MRPS31: variants seen among roughly 807,000 people sequenced by gnomAD.
MRPS31 encodes the protein small ribosomal subunit protein mS31.
A neutral mutation model predicts 43.1 loss-of-function variants in MRPS31; 32 were observed. That is an observed-to-expected ratio of 0.74 (90% CI 0.56 to 1.00). The LOEUF (loss-of-function observed/expected upper bound fraction) is 1.00, where lower values mean the gene tolerates loss of function less well. Among genes scored for constraint, MRPS31 ranks in the 50% least tolerant of loss-of-function variants. The pLI is 0.00. For synonymous variants in MRPS31, 165 were observed against 161.6 expected (o/e 1.02, Z -0.16); for missense variants, 437 against 466.7 (o/e 0.94, Z 0.59).
At chr13:40,765,430 T>G (rs972024421) in intron 2 of MRPS31, among the ~76,000 whole-genome samples, 4 of 152,232 alleles carry the variant, frequency 2.6e-5, no homozygotes, top group African/African-American at 9.7e-5. Context: ...AATCGTTAAT[T>G]CAATTATAAT....
chr13:40,770,465 CCTATTTG>C lies in MRPS31; in HGVS notation c.152+513_152+519del, dbSNP rs560256749. Among the ~76,000 whole-genome samples the C allele has an allele frequency of 5.6e-4, 86 of 152,238 alleles. No homozygotes were observed. The East Asian group carries it at 0.013, about 22-fold the overall frequency. ...GTCTCCCCTATAATGGTTAGGTGTC[CCTATTTG>C]CTATCCCAGCAAGTACTCATTCATG... On this transcript the variant is annotated intron_variant, in intron 1 of 6. Transcript: ENST00000323563.
chr13:40,733,008 T>C (rs1045964296), intron 6 of MRPS31, among the ~76,000 whole-genome samples: 15 of 144,950 alleles, frequency 1.0e-4, no homozygotes, highest in Admixed American at 2.7e-4. Flanking sequence ...TTTTTTTTTT[T>C]TTTTTTTTTT....
At chr13:40,738,511 T>C (rs1361515699) in intron 6 of MRPS31, among the ~76,000 whole-genome samples, 1 of 151,510 alleles carries the variant, frequency 6.6e-6, no homozygotes, top group Non-Finnish European at 1.5e-5. Context: ...ACCAATATCC[T>C]TGATGAACAT....
At chr13:40,736,524 C>G (rs1566104415) in intron 6 of MRPS31, among the ~76,000 whole-genome samples, 1 of 146,524 alleles carries the variant, frequency 6.8e-6, no homozygotes, top group Non-Finnish European at 1.5e-5. Flanking sequence ...TTAAGGGCAG[C>G]CAGAGAGAAA....
At chr13:40,761,436 C>T (rs1880692185) in intron 2 of MRPS31, among the ~76,000 whole-genome samples, 1 of 152,114 alleles carries the variant, frequency 6.6e-6, no homozygotes, top group Non-Finnish European at 1.5e-5. Flanking sequence ...AAAGTATACA[C>T]AGAACATAGA....
intron 2 of MRPS31, among the ~76,000 whole-genome samples, chr13:40,761,647 A>G (rs1250142690): frequency 1.3e-5 from 2 of 152,204 alleles, no homozygotes; most frequent in Non-Finnish European, 2.9e-5. Flanking sequence ...TCTTTTAACA[A>G]TCTATTCTAT....
chr13:40,729,347 G>A lies in MRPS31; in HGVS notation c.*25C>T, dbSNP rs538719816. On this transcript the variant is annotated 3_prime_UTR_variant, in exon 7 of 7. Transcript: ENST00000323563. Reference sequence around the variant, plus strand: ...TTAGTTGTAATATCCATCTCTAATTGTTTGAAATAAAAATTTCCATGGTCT... The same window carrying A: ...TTAGTTGTAATATCCATCTCTAATTATTTGAAATAAAAATTTCCATGGTCT... 8.5e-7 allele frequency: 1 copy of A among 1,181,342 alleles called. No homozygotes were observed. Among genetic ancestry groups the A allele is most frequent in the South Asian group, 1.4e-5 (1 of 69,384 alleles). 73.2% of individuals were successfully genotyped at this position (1,181,342 alleles called of 1,614,324 possible).
At chr13:40,757,184 CA>C (rs1480096772) in intron 3 of MRPS31, among the ~76,000 whole-genome samples, 171 bp from the exon 4 acceptor site, 3 of 152,130 alleles carry the variant, frequency 2.0e-5, no homozygotes, top group Non-Finnish European at 4.4e-5. Context: ...TCACATAACA[CA>C]GAACATTACA....
chr13:40,742,863 G>A (rs1880140144), intron 6 of MRPS31, among the ~76,000 whole-genome samples: 1 of 152,172 alleles, frequency 6.6e-6, no homozygotes, highest in African/African-American at 2.4e-5. Flanking sequence ...GCAGAAGACT[G>A]AAACTGGACC....
chr13:40,733,179 T>C (rs900069968), intron 6 of MRPS31, among the ~76,000 whole-genome samples: 14 of 151,904 alleles, frequency 9.2e-5, no homozygotes. Flanking sequence ...AATTTTTGTA[T>C]TTTCAGTAGA....
chr13:40,735,050 C>T (rs1283061120), intron 6 of MRPS31, among the ~76,000 whole-genome samples: 1 of 152,196 alleles, frequency 6.6e-6, no homozygotes, highest in African/African-American at 2.4e-5. Flanking sequence ...GAGTGCCAGA[C>T]AGTGGGCGCA....
intron 2 of MRPS31, among the ~76,000 whole-genome samples, chr13:40,760,865 T>C (rs2138014601): frequency 6.6e-6 from 1 of 152,230 alleles, no homozygotes; most frequent in East Asian, 1.9e-4. Context: ...TATGATACGT[T>C]ACCTAATACG....
At chr13:40,737,886 G>A (rs1220222538) in intron 6 of MRPS31, among the ~76,000 whole-genome samples, 2 of 151,760 alleles carry the variant, frequency 1.3e-5, no homozygotes, top group Admixed American at 6.6e-5. Context: ...AACTAGAAAA[G>A]CAAGAGCAAA....
intron 2 of MRPS31, among the ~76,000 whole-genome samples, chr13:40,765,640 A>T (rs1300340647): frequency 6.6e-6 from 1 of 152,204 alleles, no homozygotes; most frequent in Non-Finnish European, 1.5e-5. Flanking sequence ...CTACCCAATC[A>T]TACTTTCTAG....
chr13:40,769,117 C>T (rs911119528), intron 1 of MRPS31, among the ~76,000 whole-genome samples: 1 of 151,854 alleles, frequency 6.6e-6, no homozygotes, highest in African/African-American at 2.4e-5. Context: ...GTGGTGCACG[C>T]CTGTAATTCC....
chr13:40,756,774 C>G, intron 4 of MRPS31, 99 bp downstream of exon 4: 1 of 1,301,978 alleles, frequency 7.7e-7, no homozygotes. Context: ...GTTCAGATAT[C>G]CAACAGCAAT....
chr13:40,751,412 T>C (rs1455956589), intron 5 of MRPS31, among the ~76,000 whole-genome samples: 2 of 152,236 alleles, frequency 1.3e-5, no homozygotes, highest in East Asian at 3.8e-4. Flanking sequence ...ATGTATGTAG[T>C]AGCCCTCATT....
intron 2 of MRPS31, among the ~76,000 whole-genome samples, chr13:40,766,538 G>A (rs1030295491): frequency 3.9e-5 from 6 of 151,928 alleles, no homozygotes; most frequent in Admixed American, 3.3e-4. Context: ...CAAGTGATCC[G>A]CCCGCCTCGT....
chr13:40,732,986 T>C (rs1409182096), intron 6 of MRPS31, among the ~76,000 whole-genome samples: 1 of 142,492 alleles, frequency 7.0e-6, no homozygotes, highest in Non-Finnish European at 1.5e-5. Context: ...ACAGCAACAA[T>C]GCATTTGGTT....
Sources: allele counts gnomAD v4.1 joint callset (sites outside exome capture counted in the v4.1 genomes callset), GRCh38; gene constraint gnomAD v4.1.1; transcripts MANE v1.5; gene names NCBI Gene and HGNC (gene_info 2026-07-23, HGNC 2026-07-21).